The following KCNK3 variants were observed in gnomAD, a reference collection of about 807,000 sequenced individuals.
KCNK3 encodes the protein potassium two pore domain channel subfamily K member 3, also known as potassium channel subfamily K member 3.
A neutral mutation model predicts 27.3 loss-of-function variants in KCNK3; 9 were observed. That is an observed-to-expected ratio of 0.33 (90% CI 0.20 to 0.57). The LOEUF is 0.57. Among genes scored for constraint, KCNK3 ranks in the 20% least tolerant of loss-of-function variants. The pLI is 0.87. For synonymous variants in KCNK3, 278 were observed against 273.8 expected (o/e 1.02, Z -0.15); for missense variants, 391 against 577.7 (o/e 0.68, Z 3.31).
intron 1 of KCNK3, among the ~76,000 whole-genome samples, chr2:26,711,018 C>T (rs1043704311): frequency 2.6e-5 from 4 of 152,196 alleles, no homozygotes; most frequent in Non-Finnish European, 5.9e-5. Context: ...AAAATGTGCC[C>T]CCTCCCTCAC....
At position 26,693,355 on chromosome 2, in the gene KCNK3, G is replaced by A. The variant is rs1324037197; in HGVS notation, c.283+197G>A. Among the ~76,000 whole-genome samples the A allele has an allele frequency of 6.6e-6, 1 of 152,186 alleles. No homozygotes were observed. Among genetic ancestry groups the A allele is most frequent in the East Asian group, 1.9e-4 (1 of 5,182 alleles). ...GAACTCGGGGAGGCGTCGATTCCTG[G>A]CTCCGGACCTGACTCTCCGGCCGGG... is the stretch of plus-strand genomic sequence containing the variant. On this transcript the variant is annotated intron_variant, in intron 1 of 1. Coordinates refer to ENST00000302909, the MANE Select transcript of KCNK3 (RefSeq NM_002246.3). This position sits in a 1 kb window ranked among gnomAD's most constrained non-coding sequence, Gnocchi z 5.5.
rs1247078039 is a variant in KCNK3 at position 26,728,886 on chromosome 2, C to A, written c.*318C>A. 4 of 304,430 alleles carry A rather than the reference C, an allele frequency of 1.3e-5. No homozygotes were observed. Among genetic ancestry groups the A allele is most frequent in the Admixed American group, 5.0e-5 (1 of 20,164 alleles). 18.9% of individuals were successfully genotyped at this position (304,430 alleles called of 1,614,324 possible). A position where few individuals can be genotyped will look rare whatever the true frequency, so the allele number is the denominator to read the frequency against. On this transcript the variant is annotated 3_prime_UTR_variant, in exon 2 of 2. Transcript: ENST00000302909. The stretch of plus-strand genomic sequence containing the variant: ...AAGAAGCTCCCAGTCCTCAGAGACC[C>A]TGCTGGTACCCAGACCCCCACCTTC...
intron 1 of KCNK3, among the ~76,000 whole-genome samples, chr2:26,697,141 G>A (rs543401026): frequency 4.7e-4 from 72 of 152,294 alleles, no homozygotes; most frequent in Non-Finnish European, 6.6e-4. Context: ...CACTTGCCCA[G>A]ATTCAATTGG....
At chr2:26,695,834 G>A (rs1670228148) in intron 1 of KCNK3, among the ~76,000 whole-genome samples, 1 of 152,208 alleles carries the variant, frequency 6.6e-6, no homozygotes, top group Admixed American at 6.5e-5. Flanking sequence ...TATTTATAAA[G>A]TGCTGGGCAA....
At chr2:26,718,099 C>T (rs1309892947) in intron 1 of KCNK3, among the ~76,000 whole-genome samples, 2 of 151,970 alleles carry the variant, frequency 1.3e-5, no homozygotes, top group Non-Finnish European at 2.9e-5. Flanking sequence ...CTCCTCTCAT[C>T]CCGAACTCTT....
At chr2:26,699,546 C>T (rs551226953) in intron 1 of KCNK3, among the ~76,000 whole-genome samples, 42 of 152,316 alleles carry the variant, frequency 2.8e-4, no homozygotes, top group Admixed American at 5.2e-4. Context: ...GCTGCACAAA[C>T]GGTGAATCTG....
chr2:26,713,054 C>T (rs1415426737), intron 1 of KCNK3, among the ~76,000 whole-genome samples: 1 of 152,216 alleles, frequency 6.6e-6, no homozygotes, highest in African/African-American at 2.4e-5. Flanking sequence ...TCAAGACTAG[C>T]TTCATGGATC....
At chr2:26,694,420 C>T (rs751751206) in intron 1 of KCNK3, among the ~76,000 whole-genome samples, 1 of 152,180 alleles carries the variant, frequency 6.6e-6, no homozygotes, top group Non-Finnish European at 1.5e-5. Flanking sequence ...CATTGTTTTC[C>T]TGGGAGTCAA....
intron 1 of KCNK3, among the ~76,000 whole-genome samples, chr2:26,713,239 G>A (rs930156939): frequency 6.6e-6 from 1 of 152,236 alleles, no homozygotes; most frequent in Non-Finnish European, 1.5e-5. Context: ...AAGAGATGAG[G>A]GAGGGAAGTC....
Position 26,692,801 on chromosome 2 carries a change from G to A in KCNK3, c.-75G>A, listed in dbSNP as rs1315059704. ...CAGCCATGCCCCAGGCCGCCTCCGG[G>A]GCAGCAGCAGCGGCGGCCGGGGCCG... On this transcript the variant is annotated 5_prime_UTR_variant, in exon 1 of 2. Transcript: ENST00000302909. The surrounding 1 kb of genome is among the most constrained non-coding windows in gnomAD (Gnocchi z 5.6). 4 of 846,934 alleles carry A rather than the reference G, an allele frequency of 4.7e-6. No homozygotes were observed. Among genetic ancestry groups the A allele is most frequent in the Non-Finnish European group, 5.7e-6 (4 of 703,834 alleles). The allele number at this position is 846,934 out of a possible 1,614,324, so 52.5% of individuals were successfully genotyped here.
At chr2:26,708,968 G>A (rs948970203) in intron 1 of KCNK3, among the ~76,000 whole-genome samples, 1 of 152,204 alleles carries the variant, frequency 6.6e-6, no homozygotes, top group Non-Finnish European at 1.5e-5. Context: ...CTATGTTTGA[G>A]AGGCAGAGGA....
chr2:26,708,677 T>C (rs1310952343), intron 1 of KCNK3, among the ~76,000 whole-genome samples: 2 of 152,044 alleles, frequency 1.3e-5, no homozygotes, highest in Non-Finnish European at 2.9e-5. Context: ...AAAAACTCCA[T>C]CTCAAAAATA....
chr2:26,693,048 G>T lies in KCNK3; in HGVS notation c.173G>T (p.Gly58Val). The T allele has an allele frequency of 1.2e-6, 2 of 1,600,828 alleles. No homozygotes were observed. The change falls in exon 1 of 2, where the codon GGC becomes GTC. Residue 58 changes from glycine (G) to valine (V), a missense_variant. Around this residue, in one of 4 missense-constraint regions of KCNK3, gnomAD observed 158 missense variants for 267.7 expected, o/e 0.59. Coordinates refer to ENST00000302909, the MANE Select transcript of KCNK3 (RefSeq NM_002246.3). This position sits in a 1 kb window ranked among gnomAD's most constrained non-coding sequence, Gnocchi z 5.5. Reference sequence around the variant, plus strand: ...GCGCGCTACAACCTCAGCCAGGGCGGCTACGAGGAGCTGGAGCGCGTCGTG... The same window carrying T: ...GCGCGCTACAACCTCAGCCAGGGCGTCTACGAGGAGCTGGAGCGCGTCGTG... ...LRARYNLSQG[G>V]YEELERVVLR...
At position 26,731,685 on chromosome 2, in the gene KCNK3, C is replaced by T. The variant is rs1663544579; in HGVS notation, c.*3117C>T. 2 of 152,264 alleles carry T rather than the reference C, an allele frequency of 1.3e-5. No individual in the cohort carries two copies. Among genetic ancestry groups the T allele is most frequent in the African/African-American group, 2.4e-5 (1 of 41,462 alleles). 9.4% of individuals were successfully genotyped at this position (152,264 alleles called of 1,614,324 possible). On this transcript the variant is annotated 3_prime_UTR_variant, in exon 2 of 2. Transcript: ENST00000302909. ...CCCTTTTGGGATTTCCCAGAAGATCCAGATTTTCTTAAGTCCCCTTGGAAC... is the reference window on the plus strand; with the variant it reads ...CCCTTTTGGGATTTCCCAGAAGATCTAGATTTTCTTAAGTCCCCTTGGAAC...
chr2:26,699,255 C>CAAAGAAAGAAAGAAAGAA (rs1228423650), intron 1 of KCNK3, among the ~76,000 whole-genome samples: 116 of 106,482 alleles, frequency 1.1e-3, no homozygotes, highest in Non-Finnish European at 1.8e-3. Context: ...GAAAGAAAGC[C>CAAAGAAAGAAAGAAAGAA]AGCCAAGGAG....
rs1326381930 is a variant in KCNK3, at chr2:26,721,596, C to T, written c.284-6071C>T. ...TTCCTCGTGGGCCCTCCCCTGGGTG[C>T]CCTCTGAGCCCAGCTGCCCTCTGCC... is the stretch of plus-strand genomic sequence containing the variant. On this transcript the variant is annotated intron_variant, in intron 1 of 1. Transcript: ENST00000302909. The surrounding 1 kb of genome is among the most constrained non-coding windows in gnomAD (Gnocchi z 4.3). 6.6e-6 allele frequency among the ~76,000 whole-genome samples: 1 copy of T among 152,184 alleles called. No homozygotes were observed. Among genetic ancestry groups the T allele is most frequent in the African/African-American group, 2.4e-5 (1 of 41,456 alleles).
intron 1 of KCNK3, among the ~76,000 whole-genome samples, chr2:26,705,093 T>G (rs1670356323): frequency 6.6e-6 from 1 of 152,166 alleles, no homozygotes; most frequent in South Asian, 2.1e-4. Context: ...GCCTCCCAAG[T>G]AGCTGGAATC....
chr2:26,697,608 C>T (rs367799492), intron 1 of KCNK3, among the ~76,000 whole-genome samples: 18 of 152,252 alleles, frequency 1.2e-4, no homozygotes, highest in African/African-American at 3.8e-4. Context: ...CCAAACCAGA[C>T]GACTTGTCAC....
At chr2:26,704,262 A>G (rs763394026) in intron 1 of KCNK3, among the ~76,000 whole-genome samples, 2 of 152,098 alleles carry the variant, frequency 1.3e-5, no homozygotes, top group African/African-American at 2.4e-5. Context: ...TTGCAGGAGC[A>G]CCGGGACGGT....
Sources: gnomAD v4.1 joint callset for allele counts (sites outside exome capture counted in the v4.1 genomes callset) on GRCh38, gnomAD v4.1.1 for gene constraint, gnomAD v4.1.1 regional missense constraint, Gnocchi (gnomAD v3.1) non-coding constraint, MANE v1.5 for transcripts, NCBI Gene and HGNC (gene_info 2026-07-23, HGNC 2026-07-21) for gene names.